Variants in IDE observed in about 807,000 individuals in gnomAD.
IDE encodes the protein insulin-degrading enzyme.
Under a neutral mutation model 133.2 loss-of-function variants are expected in IDE, and 58 were observed. That is an observed-to-expected ratio of 0.44 (90% CI 0.35 to 0.54). IDE has a LOEUF of 0.54. Among genes scored for constraint, IDE ranks in the 20% least tolerant of loss-of-function variants. The probability of loss-of-function intolerance (pLI) is 0.00; values close to 1 mark genes in which losing one functional copy is unlikely to be tolerated. For missense variants in IDE, 981 were observed against 1,234.0 expected, an observed-to-expected ratio of 0.79 and a Z score of 3.07; for synonymous variants, 396 against 421.3, an observed-to-expected ratio of 0.94 and a Z score of 0.73.
chr10:92,459,716 G>A (rs1404960747), intron 22 of IDE, among the ~76,000 whole-genome samples: 1 of 150,772 alleles, frequency 6.6e-6, no homozygotes, highest in Non-Finnish European at 1.5e-5. Context: ...CAAATTTTGA[G>A]TTTTTGCATT....
chr10:92,490,964 G>A (rs1292669333), intron 11 of IDE, among the ~76,000 whole-genome samples: 1 of 152,176 alleles, frequency 6.6e-6, no homozygotes, highest in Non-Finnish European at 1.5e-5. Flanking sequence ...AGTTGCGGAT[G>A]TAGTGGCTTA....
At chr10:92,517,317 C>T (rs1848983562) in intron 4 of IDE, among the ~76,000 whole-genome samples, 1 of 152,188 alleles carries the variant, frequency 6.6e-6, no homozygotes, top group Admixed American at 6.5e-5. Context: ...AGCAAGTAAC[C>T]TTAACCTTAA....
At chr10:92,463,043 A>G (rs568430263) in intron 21 of IDE, among the ~76,000 whole-genome samples, 13 of 152,338 alleles carry the variant, frequency 8.5e-5, no homozygotes, top group Admixed American at 1.3e-4. Flanking sequence ...CCTGGCTGAC[A>G]GAGTGAGATA....
intron 19 of IDE, among the ~76,000 whole-genome samples, chr10:92,467,628 T>C (rs1845761686): frequency 1.3e-5 from 2 of 152,212 alleles, no homozygotes; most frequent in South Asian, 2.1e-4. Context: ...AAGGATGAAT[T>C]GCACTTTGAA....
Position 92,454,505 on chromosome 10 carries a change from C to T in IDE, c.2999G>A (p.Arg1000His), listed in dbSNP as rs775809800. 7 of 1,613,932 alleles carry T rather than the reference C, an allele frequency of 4.3e-6. No individual in the cohort carries two copies. Among genetic ancestry groups the T allele is most frequent in the Non-Finnish European group, 5.9e-6 (7 of 1,179,826 alleles). ...CACAAGGGGAAACAGTGGCAGACCA[C>T]GCTTGAATTCGGTCATGTTCTGAAT... ...EVIQNMTEFK[R>H]GLPLFPLVKP... The change falls in exon 25 of 25, where the codon CGT (arginine) becomes CAT (histidine). Residue 1000 changes from arginine to histidine, a missense_variant. Arg to His is a conservative substitution (Grantham distance 29). Around this residue, in one of 2 missense-constraint regions of IDE, gnomAD observed 660 missense variants for 894.7 expected, o/e 0.74. Coordinates refer to ENST00000265986, the MANE Select transcript of IDE (RefSeq NM_004969.4).
At chr10:92,545,261 A>G (rs1842490521) in intron 1 of IDE, among the ~76,000 whole-genome samples, 1 of 152,172 alleles carries the variant, frequency 6.6e-6, no homozygotes, top group African/African-American at 2.4e-5. Context: ...CAAATAAACC[A>G]AGAAAAAGAA....
rs376998450 is a variant in IDE at position 92,487,336 on chromosome 10, C to A, written c.1534-18G>T. ...TGCCATTTCTGGATGAATAATGAAA[C>A]ACACAAATGCAGTAAGAGTCTGATT... is the stretch of plus-strand genomic sequence containing the variant. On this transcript the variant is annotated intron_variant, in intron 12 of 24. Transcript: ENST00000265986. 35 of 1,603,610 alleles carry A rather than the reference C, an allele frequency of 2.2e-5. No individual in the cohort carries two copies. The Middle Eastern group carries it at 5.0e-4, about 23-fold the overall frequency.
chr10:92,461,299 C>A, intron 21 of IDE, 47 bp from the exon 22 acceptor site: 2 of 873,560 alleles, frequency 2.3e-6, no homozygotes, highest in Non-Finnish European at 1.9e-6. Flanking sequence ...TCATATGAAG[C>A]AGCCCAGAAC....
chr10:92,500,761 T>G (rs1409499133), intron 11 of IDE, among the ~76,000 whole-genome samples: 1 of 152,194 alleles, frequency 6.6e-6, no homozygotes, highest in African/African-American at 2.4e-5. Flanking sequence ...GTGATTTTTT[T>G]TTTTTTCCGG....
chr10:92,540,953 AT>A (rs1842273558), intron 1 of IDE, among the ~76,000 whole-genome samples: 1 of 152,194 alleles, frequency 6.6e-6, no homozygotes, highest in Non-Finnish European at 1.5e-5. Flanking sequence ...CTATTTGCAA[AT>A]GATCAGAATC....
At position 92,463,814 on chromosome 10, in the gene IDE, C is replaced by T. The variant is rs765946014; in HGVS notation, c.2678G>A (p.Arg893Gln). Residue 893 changes from arginine to glutamine, a missense_variant, in exon 21 of 25, where the codon CGA becomes CAA. By Grantham distance (43) the Arg-to-Gln change is conservative. Transcript: ENST00000265986. The stretch of plus-strand genomic sequence containing the variant: ...AGATAGCTTCTTTGGTTTGTCTAGT[C>T]GACGAATTGCTAATGCCTGAATGTG... ...QKHIQALAIR[R>Q]LDKPKKLSAE... is the part of the protein sequence containing the mutation. 2.5e-6 allele frequency: 4 copies of T among 1,614,070 alleles called. No homozygotes were observed. The highest frequency in any genetic ancestry group is 1.7e-5 in the Admixed American group (1 of 60,020).
intron 1 of IDE, among the ~76,000 whole-genome samples, chr10:92,557,476 C>T (rs1843066713): frequency 6.6e-6 from 1 of 151,836 alleles, no homozygotes; most frequent in African/African-American, 2.4e-5. Flanking sequence ...GCGGAGCTTG[C>T]AGTAAGCCAA....
intron 2 of IDE, among the ~76,000 whole-genome samples, chr10:92,536,681 A>G (rs1842021986): frequency 6.9e-6 from 1 of 145,576 alleles, no homozygotes; most frequent in South Asian, 2.2e-4. Context: ...CTGGGCAACA[A>G]GAGCAAAACT....
intron 1 of IDE, among the ~76,000 whole-genome samples, chr10:92,553,340 C>T (rs1266989754): frequency 2.0e-5 from 3 of 151,458 alleles, no homozygotes; most frequent in African/African-American, 7.3e-5. Flanking sequence ...AGGAGAATTG[C>T]TTGAACTTGG....
chr10:92,520,870 GA>G (rs1386991864), intron 4 of IDE, among the ~76,000 whole-genome samples: 1 of 151,968 alleles, frequency 6.6e-6, no homozygotes, highest in East Asian at 1.9e-4. Context: ...CCAGTAACGA[GA>G]AAAAAGATAG....
At chr10:92,561,870 A>AC (rs142309318) in intron 1 of IDE, among the ~76,000 whole-genome samples, 9,201 of 152,298 alleles carry the variant, frequency 0.06, 382 homozygotes, top group African/African-American at 0.1. Flanking sequence ...GGAGCAATTT[A>AC]CATGTGTATT....
intron 5 of IDE, among the ~76,000 whole-genome samples, chr10:92,510,698 T>C (rs1455780769): frequency 6.6e-6 from 1 of 151,448 alleles, no homozygotes; most frequent in Non-Finnish European, 1.5e-5. Flanking sequence ...CACATACATC[T>C]CACATATATG....
At chr10:92,476,319 G>A (rs567980880) in intron 15 of IDE, among the ~76,000 whole-genome samples, 5 of 151,950 alleles carry the variant, frequency 3.3e-5, no homozygotes, top group South Asian at 2.1e-4. Flanking sequence ...GATTACAGAC[G>A]TGCCCCACTA....
chr10:92,572,930 T>C (rs1843859078), intron 1 of IDE: 8 of 985,238 alleles, frequency 8.1e-6, no homozygotes, highest in South Asian at 4.7e-5. Context: ...GCTATCTCAA[T>C]TCCCGTGGCA....
Sources: gnomAD v4.1 joint callset for allele counts (sites outside exome capture counted in the v4.1 genomes callset) on GRCh38, gnomAD v4.1.1 for gene constraint, gnomAD v4.1.1 regional missense constraint, MANE v1.5 for transcripts, NCBI Gene and HGNC (gene_info 2026-07-23, HGNC 2026-07-21) for gene names.